Variants in CNTN3 observed in about 807,000 individuals in gnomAD.
CNTN3 encodes contactin-3.
Under a neutral mutation model 119.1 loss-of-function variants are expected in CNTN3, and 60 were observed. The observed-to-expected ratio is 0.50, with a 90% CI of 0.41 to 0.62. The LOEUF (loss-of-function observed/expected upper bound fraction) is 0.62, where lower values mean the gene tolerates loss of function less well. Ranked by LOEUF, CNTN3 falls within the 20% of genes least tolerant of loss-of-function variation. The pLI, the probability that CNTN3 is intolerant of heterozygous loss-of-function variation, is 0.00. For synonymous variants in CNTN3, 450 were observed against 438.7 expected (o/e 1.03, Z -0.32); for missense variants, 1,101 against 1,242.4 (o/e 0.89, Z 1.71).
chr3:74,269,339 G>A (rs1701723452), intron 20 of CNTN3, among the ~76,000 whole-genome samples: 4 of 151,758 alleles, frequency 2.6e-5, no homozygotes, highest in African/African-American at 9.7e-5. Context: ...TAATGTTCGC[G>A]AACTACCTTA....
At chr3:74,478,432 T>C (rs115372927) in intron 4 of CNTN3, among the ~76,000 whole-genome samples, 3 of 152,102 alleles carry the variant, frequency 2.0e-5, no homozygotes, top group South Asian at 4.1e-4. Context: ...CTGCAGGTGA[T>C]GTTTTGTGGA....
chr3:74,527,048 T>C (rs1355904890), intron 1 of CNTN3, among the ~76,000 whole-genome samples: 3 of 151,932 alleles, frequency 2.0e-5, no homozygotes, highest in African/African-American at 7.2e-5. Flanking sequence ...TAATTTCTTT[T>C]ACATAGGAAT....
chr3:74,475,088 T>C (rs1702631126), intron 4 of CNTN3, among the ~76,000 whole-genome samples: 1 of 152,188 alleles, frequency 6.6e-6, no homozygotes, highest in African/African-American at 2.4e-5. Flanking sequence ...TATTTCTTTA[T>C]AGCAATGTGA....
At chr3:74,358,517 A>G (rs911671903) in intron 11 of CNTN3, among the ~76,000 whole-genome samples, 5 of 150,138 alleles carry the variant, frequency 3.3e-5, no homozygotes, top group Non-Finnish European at 5.9e-5. Context: ...TCTGATTAGT[A>G]TGGTATAAGG....
At chr3:74,609,575 T>C (rs1031909600) in intron 1 of CNTN3, among the ~76,000 whole-genome samples, 6 of 152,090 alleles carry the variant, frequency 3.9e-5, no homozygotes, top group African/African-American at 1.2e-4. Context: ...GATAATTCCA[T>C]TTTGGACAAC....
chr3:74,402,911 GGGCCCTAACACTGGGCATGGT>G (rs1184895149), intron 5 of CNTN3, among the ~76,000 whole-genome samples: 1 of 152,136 alleles, frequency 6.6e-6, no homozygotes, highest in Non-Finnish European at 1.5e-5. Context: ...GCTAATGCAA[GGGCCCTAACACTGGGCATGGT>G]GCTCTGAGTT....
intron 3 of CNTN3, among the ~76,000 whole-genome samples, chr3:74,497,810 C>T (rs1224501140): frequency 6.6e-6 from 1 of 151,726 alleles, no homozygotes; most frequent in Non-Finnish European, 1.5e-5. Context: ...TATAATAAAA[C>T]AAGAATCACT....
chr3:74,331,108 G>T (rs912023629), intron 13 of CNTN3, among the ~76,000 whole-genome samples: 102 of 152,168 alleles, frequency 6.7e-4, no homozygotes, highest in African/African-American at 2.4e-3. Flanking sequence ...GTAGTGTACA[G>T]CAATGTCCTA....
chr3:74,467,472 C>A (rs1051458056), intron 4 of CNTN3, among the ~76,000 whole-genome samples: 2 of 152,018 alleles, frequency 1.3e-5, no homozygotes, highest in Non-Finnish European at 2.9e-5. Context: ...AGAATCACAG[C>A]GGTATAATGG....
At chr3:74,488,655 T>C (rs1279619627) in intron 3 of CNTN3, among the ~76,000 whole-genome samples, 1 of 152,208 alleles carries the variant, frequency 6.6e-6, no homozygotes, top group Admixed American at 6.5e-5. Flanking sequence ...TATTTTATCA[T>C]TTGCTAATTT....
In CNTN3 at chr3:74,365,581, T is replaced by C; in HGVS notation, c.1068A>G (p.Ala356=). 4 of 1,613,430 alleles carry C rather than the reference T, an allele frequency of 2.5e-6. No individual in the cohort carries two copies. Among genetic ancestry groups the C allele is most frequent in the Admixed American group, 1.7e-5 (1 of 59,994 alleles). ...KPSYRWLKNG[A]ALVLEERTQI... is the part of the protein sequence containing the mutation. The stretch of plus-strand genomic sequence containing the variant: ...GTTACCTTACCTCTAGCACCAGGGC[T>C]GCTCCATTTTTCAGCCATCGGTAGG... Residue 356 remains alanine (A), a synonymous_variant, in exon 9 of 23, where the codon GCA becomes GCG. Transcript: ENST00000263665.
chr3:74,524,208 C>T (rs1415598984), intron 1 of CNTN3, among the ~76,000 whole-genome samples: 1 of 151,800 alleles, frequency 6.6e-6, no homozygotes, highest in Non-Finnish European at 1.5e-5. Context: ...TAAATGTGTT[C>T]CAAGAAGCTC....
chr3:74,277,634 A>G (rs559734967), intron 20 of CNTN3, among the ~76,000 whole-genome samples: 5 of 152,164 alleles, frequency 3.3e-5, no homozygotes, highest in Non-Finnish European at 5.9e-5. Flanking sequence ...AATAAAAGCC[A>G]TCTATGACAA....
In CNTN3 at chr3:74,295,134, A is replaced by G. The variant is rs776198966; in HGVS notation, c.2504T>C (p.Leu835Ser). Residue 835 changes from leucine (L) to serine (S), a missense_variant, in exon 19 of 23, where the codon TTA becomes TCA. Coordinates refer to ENST00000263665, the MANE Select transcript of CNTN3 (RefSeq NM_020872.3). ...TIPWKLSNGH[L>S]LGYEVRYWNG... ...AAAAGAAATTACCTCATAGCCCAGT[A>G]AATGTCCATTGCTCAACTTCCAAGG... 1.2e-6 allele frequency: 2 copies of G among 1,605,398 alleles called. No homozygotes were observed. Among genetic ancestry groups the G allele is most frequent in the Non-Finnish European group, 1.7e-6 (2 of 1,172,278 alleles).
chr3:74,517,397 G>A (rs572234097), intron 2 of CNTN3, among the ~76,000 whole-genome samples: 2 of 151,944 alleles, frequency 1.3e-5, no homozygotes, highest in South Asian at 4.2e-4. Flanking sequence ...CCTTGGTGTG[G>A]ATGTTTGGCT....
intron 5 of CNTN3, among the ~76,000 whole-genome samples, chr3:74,384,417 C>T (rs1160098212): frequency 6.6e-6 from 1 of 152,184 alleles, no homozygotes; most frequent in Non-Finnish European, 1.5e-5. Context: ...ATATGTAGAA[C>T]TGCAGTAAAA....
chr3:74,528,089 G>T (rs1333405782), intron 1 of CNTN3, among the ~76,000 whole-genome samples: 2 of 151,814 alleles, frequency 1.3e-5, no homozygotes, highest in African/African-American at 4.8e-5. Flanking sequence ...CAAATTCCAT[G>T]ATCTCTTCTT....
At chr3:74,586,564 T>C (rs1196348682) in intron 1 of CNTN3, among the ~76,000 whole-genome samples, 1 of 152,120 alleles carries the variant, frequency 6.6e-6, no homozygotes, top group Non-Finnish European at 1.5e-5. Context: ...TACAGAACTG[T>C]CTAGCTTTGA....
chr3:74,348,804 G>A (rs1703752515), intron 11 of CNTN3, among the ~76,000 whole-genome samples: 1 of 152,128 alleles, frequency 6.6e-6, no homozygotes, highest in South Asian at 2.1e-4. Flanking sequence ...TTTTAGCAGG[G>A]CACATGGTGG....
Sources: gnomAD v4.1 joint callset for allele counts (sites outside exome capture counted in the v4.1 genomes callset) on GRCh38, gnomAD v4.1.1 for gene constraint, MANE v1.5 for transcripts, NCBI Gene and HGNC (gene_info 2026-07-23, HGNC 2026-07-21) for gene names.